The following LCLAT1 variants were observed in gnomAD, a reference collection of about 807,000 sequenced individuals.
LCLAT1 encodes the protein 1-AGP acyltransferase 8.
Under a neutral mutation model 30.7 loss-of-function variants are expected in LCLAT1, and 11 were observed. The ratio of observed to expected loss-of-function variants is 0.36; its 90% CI spans 0.23 to 0.59. The LOEUF (loss-of-function observed/expected upper bound fraction) is 0.59, where lower values mean the gene tolerates loss of function less well. LCLAT1 is among the 20% of genes least tolerant of loss of function. The pLI is 0.77. For missense variants in LCLAT1, 402 were observed against 458.6 expected, an observed-to-expected ratio of 0.88 and a Z score of 1.13; for synonymous variants, 155 against 151.3, an observed-to-expected ratio of 1.02 and a Z score of -0.18.
At chr2:30,454,742 C>T (rs1346148869) in intron 1 of LCLAT1, among the ~76,000 whole-genome samples, 2 of 151,964 alleles carry the variant, frequency 1.3e-5, no homozygotes, top group African/African-American at 2.4e-5. Flanking sequence ...AGCCACTGCA[C>T]GTGGCCCTAG....
intron 5 of LCLAT1, chr2:30,605,984 T>G (rs1425894862): frequency 1.6e-6 from 2 of 1,279,572 alleles, no homozygotes; most frequent in Non-Finnish European, 2.0e-6. Context: ...CATGAGAATC[T>G]AATGCTCCCC....
At chr2:30,579,311 A>G (rs1666117555) in intron 5 of LCLAT1, among the ~76,000 whole-genome samples, 1 of 152,182 alleles carries the variant, frequency 6.6e-6, no homozygotes. Flanking sequence ...TTAAAGCTGT[A>G]TACATTAAAG....
rs576863795 is a variant in LCLAT1, at chr2:30,580,808, A to T, written c.628+12632A>T. ...TATATTTTTGTTTGACTTTATAAAT[A>T]CTCCAAGCCTGGTGAGTAAATCGTT... On this transcript the variant is annotated intron_variant, in intron 5 of 5. Transcript: ENST00000379509. Among the ~76,000 whole-genome samples, 4 of 152,216 alleles carry T rather than the reference A, an allele frequency of 2.6e-5. No homozygotes were observed. In the East Asian group the frequency reaches 7.7e-4, roughly 29 times the overall value.
chr2:30,601,145 T>C lies in LCLAT1; in HGVS notation c.628+32969T>C, dbSNP rs965089388. Among the ~76,000 whole-genome samples the C allele has an allele frequency of 6.6e-5, 10 of 152,330 alleles. 1 individual carries two copies. The South Asian group carries it at 2.1e-3, about 32-fold the overall frequency. On this transcript the variant is annotated intron_variant, in intron 5 of 5. Transcript: ENST00000379509. Reference sequence around the variant, plus strand: ...CTTTTCAGCTCCATCAGATCATTTATGTTCATCTCTAAACTGGTTATTCTG... The same window carrying C: ...CTTTTCAGCTCCATCAGATCATTTACGTTCATCTCTAAACTGGTTATTCTG...
At chr2:30,595,335 T>TTTC (rs1666882758) in intron 5 of LCLAT1, among the ~76,000 whole-genome samples, 1 of 152,120 alleles carries the variant, frequency 6.6e-6, no homozygotes, top group Non-Finnish European at 1.5e-5. Flanking sequence ...ACCCAGACGT[T>TTTC]TTCTTCTCTT....
intron 5 of LCLAT1, among the ~76,000 whole-genome samples, chr2:30,625,848 CTG>C (rs2148521643): frequency 6.6e-6 from 1 of 152,284 alleles, no homozygotes; most frequent in Admixed American, 6.5e-5. Context: ...TGACCACTAA[CTG>C]ATCTTCAACA....
chr2:30,640,414 T>C lies in LCLAT1; in HGVS notation c.926T>C (p.Leu309Ser), dbSNP rs761411648. 1.9e-6 allele frequency: 3 copies of C among 1,614,216 alleles called. No individual in the cohort carries two copies. Among genetic ancestry groups the C allele is most frequent in the Non-Finnish European group, 1.7e-6 (2 of 1,180,044 alleles). The change falls in exon 6 of 6, where the codon TTG becomes TCG. Residue 309 changes from leucine (L) to serine (S), a missense_variant. Transcript: ENST00000379509. ...KSELRVLVVKLLSILYWTLFS... is the reference protein window; with the variant it reads ...KSELRVLVVKSLSILYWTLFS... ...GAACTCAGGGTCCTTGTGGTCAAAT[T>C]GCTCTCTATACTGTATTGGACCCTG...
intron 5 of LCLAT1, among the ~76,000 whole-genome samples, chr2:30,608,722 C>G (rs1342886773): frequency 1.3e-5 from 2 of 152,090 alleles, no homozygotes; most frequent in Non-Finnish European, 2.9e-5. Flanking sequence ...AGACTATATA[C>G]TGTCTAGGTT....
At chr2:30,615,287 C>G (rs536532523) in intron 5 of LCLAT1, among the ~76,000 whole-genome samples, 1 of 151,934 alleles carries the variant, frequency 6.6e-6, no homozygotes, top group Non-Finnish European at 1.5e-5. Flanking sequence ...TGGACAGATC[C>G]TCCTTATGAA....
chr2:30,513,959 T>C (rs1685060796), intron 1 of LCLAT1, among the ~76,000 whole-genome samples: 1 of 152,226 alleles, frequency 6.6e-6, no homozygotes, highest in Non-Finnish European at 1.5e-5. Flanking sequence ...CTTCAGGACC[T>C]CCTGAGGCTG....
intron 1 of LCLAT1, among the ~76,000 whole-genome samples, chr2:30,462,604 C>T (rs764951457): frequency 3.3e-5 from 5 of 152,126 alleles, no homozygotes; most frequent in African/African-American, 2.4e-5. Context: ...TTCCTTGTCC[C>T]CAGACAAGTT....
chr2:30,636,407 C>A (rs1669027644), intron 5 of LCLAT1, among the ~76,000 whole-genome samples: 1 of 152,156 alleles, frequency 6.6e-6, no homozygotes, highest in African/African-American at 2.4e-5. Flanking sequence ...GCCTAGTAAA[C>A]AGCCTTTATT....
chr2:30,489,108 A>G (rs972834927), intron 1 of LCLAT1: 4 of 152,206 alleles, frequency 2.6e-5, no homozygotes, highest in African/African-American at 7.2e-5. Context: ...GATCTGCTAC[A>G]GTGTGACCCT....
At chr2:30,616,527 ATT>A (rs1322663138) in intron 5 of LCLAT1, among the ~76,000 whole-genome samples, 1 of 152,090 alleles carries the variant, frequency 6.6e-6, no homozygotes, top group African/African-American at 2.4e-5. Context: ...TAATATTTTT[ATT>A]GTTTTCTCTG....
intron 5 of LCLAT1, among the ~76,000 whole-genome samples, chr2:30,624,496 A>G (rs1668412480): frequency 6.6e-6 from 1 of 152,228 alleles, no homozygotes; most frequent in African/African-American, 2.4e-5. Context: ...CAAACTTTAA[A>G]GCAACAGCAG....
At chr2:30,614,882 C>T (rs1198217894) in intron 5 of LCLAT1, among the ~76,000 whole-genome samples, 9 of 151,940 alleles carry the variant, frequency 5.9e-5, no homozygotes, top group Admixed American at 3.9e-4. Context: ...TTCAGAGTGG[C>T]CTGTGAAGTT....
chr2:30,527,588 G>C (rs1223456735), intron 2 of LCLAT1, among the ~76,000 whole-genome samples: 1 of 152,120 alleles, frequency 6.6e-6, no homozygotes, highest in African/African-American at 2.4e-5. Flanking sequence ...ATTGCAGACA[G>C]ATATTTGGTT....
In LCLAT1 at chr2:30,523,222, T is replaced by A. The variant is rs74261469; in HGVS notation, c.-4-2365T>A. 7.9e-3 allele frequency among the ~76,000 whole-genome samples: 1,177 copies of A among 149,742 alleles called. 16 individuals carry two copies. The highest frequency in any genetic ancestry group is 0.046 in the East Asian group (233 of 5,106). On this transcript the variant is annotated intron_variant, in intron 1 of 5. Coordinates refer to ENST00000379509, the MANE Select transcript of LCLAT1 (RefSeq NM_001002257.3). ...AGGACTGGGGGGCGGGGTGGGTGTA[T>A]AAAAGGAAGTAGGCATTAACAATAC...
chr2:30,570,007 C>T (rs1480673502), intron 5 of LCLAT1, among the ~76,000 whole-genome samples: 1 of 151,998 alleles, frequency 6.6e-6, no homozygotes, highest in Non-Finnish European at 1.5e-5. Context: ...TGGCATGTAA[C>T]TTAGACTCAC....
Sources: gnomAD v4.1 joint callset for allele counts (sites outside exome capture counted in the v4.1 genomes callset) on GRCh38, gnomAD v4.1.1 for gene constraint, MANE v1.5 for transcripts, NCBI Gene and HGNC (gene_info 2026-07-23, HGNC 2026-07-21) for gene names.